SLCO1B1: variants seen among roughly 807,000 people sequenced by gnomAD.
SLCO1B1 encodes the protein solute carrier organic anion transporter family member 1B1.
A neutral mutation model predicts 70.1 loss-of-function variants in SLCO1B1; 81 were observed. That is an observed-to-expected ratio of 1.16 (90% CI 0.97 to 1.39). The LOEUF is 1.39. SLCO1B1 is among the 40% of genes most tolerant of loss of function. The pLI, the probability that SLCO1B1 is intolerant of heterozygous loss-of-function variation, is 0.00. For missense variants in SLCO1B1, 895 were observed against 799.6 expected (o/e 1.12, Z -1.44); for synonymous variants, 283 against 271.5 (o/e 1.04, Z -0.42).
chr12:21,223,642 A>G (rs1418157119), intron 13 of SLCO1B1, among the ~76,000 whole-genome samples: 2 of 152,136 alleles, frequency 1.3e-5, no homozygotes, highest in African/African-American at 4.8e-5. Flanking sequence ...CAAAAAATTG[A>G]GACTGAGGAA....
At chr12:21,222,458 TTATAAA>T (rs1565443491) in intron 13 of SLCO1B1, 94 bp downstream of exon 13, 3 of 248,790 alleles carry the variant, frequency 1.2e-5, no homozygotes, top group African/African-American at 7.7e-5. Flanking sequence ...TAAATTTAAG[TTATAAA>T]TATTAATGTC....
At chr12:21,197,340 T>C (rs1243507033) in intron 8 of SLCO1B1, 152 bp downstream of exon 8, 2 of 795,426 alleles carry the variant, frequency 2.5e-6, no homozygotes, top group African/African-American at 1.7e-5. Context: ...AAAACTCCTA[T>C]TAAAGTTAAC....
At chr12:21,224,934 A>G in intron 14 of SLCO1B1, 95 bp downstream of exon 14, 1 of 674,664 alleles carries the variant, frequency 1.5e-6, no homozygotes, top group Non-Finnish European at 2.5e-6. Context: ...TAATAATGAT[A>G]GCCACCATTT....
chr12:21,176,260 C>G (rs1467217144), intron 4 of SLCO1B1, among the ~76,000 whole-genome samples: 1 of 151,978 alleles, frequency 6.6e-6, no homozygotes, highest in East Asian at 1.9e-4. Flanking sequence ...TCACGTGGTA[C>G]CTAATTATTT....
At chr12:21,232,707 G>A (rs1032022386) in intron 14 of SLCO1B1, among the ~76,000 whole-genome samples, 1 of 128,928 alleles carries the variant, frequency 7.8e-6, no homozygotes, top group South Asian at 2.3e-4. Context: ...GAGAGAGAGA[G>A]AGACAGAAAG....
intron 7 of SLCO1B1, among the ~76,000 whole-genome samples, chr12:21,190,857 T>A (rs1733018338): frequency 6.7e-6 from 1 of 149,774 alleles, no homozygotes; most frequent in Non-Finnish European, 1.5e-5. Context: ...ATCGTTATTA[T>A]TTTTTTGCTA....
chr12:21,153,902 ACTATCACGAAGAATTT>A (rs1940505709), intron 2 of SLCO1B1, among the ~76,000 whole-genome samples: 2 of 152,002 alleles, frequency 1.3e-5, no homozygotes, highest in Non-Finnish European at 2.9e-5. Context: ...TTATCATTTT[ACTATCACGAAGAATTT>A]CTTCGTGATT....
At chr12:21,210,030 G>GT (rs1488571910) in intron 11 of SLCO1B1, among the ~76,000 whole-genome samples, 42 of 149,434 alleles carry the variant, frequency 2.8e-4, no homozygotes, top group African/African-American at 6.3e-4. Flanking sequence ...TCTGATGGTA[G>GT]TTTTTTTTGC....
At chr12:21,161,227 C>T (rs1940614415) in intron 2 of SLCO1B1, among the ~76,000 whole-genome samples, 1 of 152,112 alleles carries the variant, frequency 6.6e-6, no homozygotes, top group Non-Finnish European at 1.5e-5. Flanking sequence ...TTCATTGCAA[C>T]ATTATTCACA....
intron 14 of SLCO1B1, among the ~76,000 whole-genome samples, chr12:21,231,059 G>A (rs1319862513): frequency 2.1e-5 from 3 of 145,442 alleles, no homozygotes; most frequent in Admixed American, 1.5e-4. Flanking sequence ...ACCTATGAGT[G>A]AAAACATGTG....
intron 7 of SLCO1B1, among the ~76,000 whole-genome samples, chr12:21,194,371 C>A (rs767588343): frequency 6.6e-5 from 10 of 152,032 alleles, no homozygotes; most frequent in African/African-American, 2.4e-4. Context: ...TTTAGAGCCA[C>A]ACTTCCTGGC....
intron 7 of SLCO1B1, among the ~76,000 whole-genome samples, chr12:21,186,143 G>A (rs973710192): frequency 7.9e-5 from 12 of 151,848 alleles, no homozygotes; most frequent in African/African-American, 2.2e-4. Flanking sequence ...ATAAAAGTTC[G>A]CTTTTTTAAA....
intron 10 of SLCO1B1, among the ~76,000 whole-genome samples, chr12:21,205,204 A>C (rs1000293386): frequency 3.3e-5 from 5 of 151,942 alleles, no homozygotes; most frequent in Non-Finnish European, 5.9e-5. Context: ...TTATACAAAA[A>C]ATATATTTTA....
At chr12:21,183,639 T>C (rs118176029) in intron 7 of SLCO1B1, among the ~76,000 whole-genome samples, 3,401 of 152,262 alleles carry the variant, frequency 0.022, 65 homozygotes, top group South Asian at 0.034. Flanking sequence ...GGAACACCAT[T>C]CCTTCAAGAT....
At chr12:21,214,321 G>A (rs538281290) in intron 11 of SLCO1B1, among the ~76,000 whole-genome samples, 37 of 151,254 alleles carry the variant, frequency 2.4e-4, no homozygotes, top group Middle Eastern at 3.4e-3. Flanking sequence ...ATACCCTGCC[G>A]TGTGAGGTGT....
intron 2 of SLCO1B1, among the ~76,000 whole-genome samples, chr12:21,157,825 C>A (rs919941875): frequency 3.3e-5 from 5 of 152,080 alleles, no homozygotes; most frequent in Non-Finnish European, 7.4e-5. Context: ...TGGTCTCGAT[C>A]TCCTGACCTC....
chr12:21,155,691 T>C (rs1940534035), intron 2 of SLCO1B1, among the ~76,000 whole-genome samples: 1 of 152,088 alleles, frequency 6.6e-6, no homozygotes, highest in Non-Finnish European at 1.5e-5. Flanking sequence ...GGGAGGGAAA[T>C]GAGCCTCAAG....
intron 2 of SLCO1B1, among the ~76,000 whole-genome samples, chr12:21,148,917 T>C (rs1940427953): frequency 6.6e-6 from 1 of 152,180 alleles, no homozygotes; most frequent in Non-Finnish European, 1.5e-5. Context: ...GGTTTGTAGT[T>C]CTCGTTGAAG....
At chr12:21,203,021 C>G (rs1208861054) in intron 10 of SLCO1B1, among the ~76,000 whole-genome samples, 2 of 152,020 alleles carry the variant, frequency 1.3e-5, no homozygotes, top group African/African-American at 2.4e-5. Context: ...TATTAAGATT[C>G]TAACTCAAAT....
Sources: allele counts gnomAD v4.1 joint callset (sites outside exome capture counted in the v4.1 genomes callset), GRCh38; gene constraint gnomAD v4.1.1; transcripts MANE v1.5; gene names NCBI Gene and HGNC (gene_info 2026-07-23, HGNC 2026-07-21).